NCAM2: variants seen among roughly 807,000 people sequenced by gnomAD.
NCAM2 encodes neural cell adhesion molecule 2, also known as N-CAM-2.
In NCAM2, 30 loss-of-function variants were observed where a neutral mutation model predicts 98.1. The ratio of observed to expected loss-of-function variants is 0.31; its 90% CI spans 0.23 to 0.41. The LOEUF is 0.41. NCAM2 is among the 10% of genes least tolerant of loss of function. NCAM2 has a pLI of 1.00. For synonymous variants in NCAM2, 368 were observed against 342.4 expected, an observed-to-expected ratio of 1.07 and a Z score of -0.83; for missense variants, 867 against 1,005.8, an observed-to-expected ratio of 0.86 and a Z score of 1.87.
chr21:21,335,762 T>G, intron 7 of NCAM2, 97 bp downstream of exon 7: 1 of 1,004,184 alleles, frequency 1.0e-6, no homozygotes, highest in Non-Finnish European at 1.3e-6. Context: ...ACTTTCCATA[T>G]TAAATCTGTT....
chr21:21,027,942 C>T (rs560385759), intron 1 of NCAM2, among the ~76,000 whole-genome samples: 3 of 151,842 alleles, frequency 2.0e-5, no homozygotes, highest in South Asian at 2.1e-4. Flanking sequence ...CTGCAACCTC[C>T]GCCTCCTGGG....
At chr21:21,530,155 A>T (rs1427781021) in intron 16 of NCAM2, among the ~76,000 whole-genome samples, 1 of 141,720 alleles carries the variant, frequency 7.1e-6, no homozygotes, top group Non-Finnish European at 1.5e-5. Flanking sequence ...TTAATTATAT[A>T]TGATTTAATT....
At chr21:21,352,466 A>G (rs1020164108) in intron 8 of NCAM2, among the ~76,000 whole-genome samples, 3 of 152,018 alleles carry the variant, frequency 2.0e-5, no homozygotes, top group African/African-American at 7.2e-5. Context: ...TTCTTGATCA[A>G]TAAATGTTAG....
At chr21:21,494,941 CTTTT>C (rs1244275940) in intron 15 of NCAM2, among the ~76,000 whole-genome samples, 1 of 150,846 alleles carries the variant, frequency 6.6e-6, no homozygotes, top group Admixed American at 6.6e-5. Context: ...CAGTTTCTTT[CTTTT>C]TCTTATGTTA....
At chr21:21,277,452 G>T (rs78241613) in intron 1 of NCAM2, among the ~76,000 whole-genome samples, 2,148 of 152,188 alleles carry the variant, frequency 0.014, 48 homozygotes, top group African/African-American at 0.049. Context: ...TAAAGTTCAT[G>T]ATATTTTATG....
chr21:21,367,009 T>C (rs2075802361), intron 8 of NCAM2, among the ~76,000 whole-genome samples: 2 of 152,184 alleles, frequency 1.3e-5, no homozygotes, highest in South Asian at 4.1e-4. Flanking sequence ...TGTGGTTTAA[T>C]AACATGGTAT....
At chr21:21,405,998 A>G (rs1354538815) in intron 9 of NCAM2, among the ~76,000 whole-genome samples, 1 of 152,164 alleles carries the variant, frequency 6.6e-6, no homozygotes, top group Non-Finnish European at 1.5e-5. Context: ...TTACTGATGC[A>G]TCTGCTTCAC....
intron 6 of NCAM2, among the ~76,000 whole-genome samples, chr21:21,329,455 C>A (rs552257670): frequency 6.6e-6 from 1 of 152,194 alleles, no homozygotes; most frequent in Non-Finnish European, 1.5e-5. Flanking sequence ...GTTAAGTACA[C>A]TCTATGATGT....
intron 15 of NCAM2, among the ~76,000 whole-genome samples, chr21:21,478,922 TA>T (rs1985499303): frequency 6.6e-6 from 1 of 152,202 alleles, no homozygotes; most frequent in Non-Finnish European, 1.5e-5. Flanking sequence ...CTGAATGTAC[TA>T]TCGAATTCAT....
intron 12 of NCAM2, among the ~76,000 whole-genome samples, chr21:21,442,823 T>A (rs1979497684): frequency 1.3e-5 from 2 of 152,202 alleles, no homozygotes; most frequent in Admixed American, 6.5e-5. Flanking sequence ...GTTATGGCAC[T>A]ACTAAAAATA....
At chr21:21,302,145 A>G (rs1018653174) in intron 5 of NCAM2, among the ~76,000 whole-genome samples, 1 of 150,768 alleles carries the variant, frequency 6.6e-6, no homozygotes, top group African/African-American at 2.5e-5. Flanking sequence ...TCATGCTGCT[A>G]TAAAGACACA....
chr21:21,444,173 G>C (rs1007123586), intron 12 of NCAM2, among the ~76,000 whole-genome samples: 5 of 152,228 alleles, frequency 3.3e-5, no homozygotes, highest in African/African-American at 4.8e-5. Context: ...TTGCGTCCCA[G>C]AGATGAAGCT....
At chr21:21,272,934 T>TCTCACACACACACACACA (rs201698643) in intron 1 of NCAM2, among the ~76,000 whole-genome samples, 10 of 124,788 alleles carry the variant, frequency 8.0e-5, no homozygotes, top group African/African-American at 3.1e-4. Context: ...GGACATGCAT[T>TCTCACACACACACACACA]CACACACACA....
chr21:21,099,065 G>A (rs947737857), intron 1 of NCAM2, among the ~76,000 whole-genome samples: 4 of 151,852 alleles, frequency 2.6e-5, no homozygotes, highest in African/African-American at 9.7e-5. Context: ...CTCTGTTAAT[G>A]AGCTAGTGTC....
chr21:21,273,117 A>T (rs1285079107), intron 1 of NCAM2, among the ~76,000 whole-genome samples: 3 of 152,176 alleles, frequency 2.0e-5, no homozygotes, highest in African/African-American at 4.8e-5. Context: ...GCTGGATTCA[A>T]ATCTGGTTTC....
intron 1 of NCAM2, among the ~76,000 whole-genome samples, chr21:21,279,969 G>A (rs1439926588): frequency 6.6e-6 from 1 of 152,148 alleles, no homozygotes; most frequent in East Asian, 1.9e-4. Context: ...AGATATTCAA[G>A]TATTTTATTT....
chr21:21,088,758 C>T lies in NCAM2; in HGVS notation c.55+90140C>T, dbSNP rs561048429. On this transcript the variant is annotated intron_variant, in intron 1 of 17. Coordinates refer to ENST00000400546, the MANE Select transcript of NCAM2 (RefSeq NM_004540.5). The stretch of plus-strand genomic sequence containing the variant: ...CTGTAATCCCAGCACTTTGGGAGGC[C>T]GAGGCAGGCGGATCACGAGGTCAGG... 1.2e-3 allele frequency among the ~76,000 whole-genome samples: 184 copies of T among 151,976 alleles called. 1 individual carries two copies. The highest frequency in any genetic ancestry group is 2.1e-3 in the Non-Finnish European group (142 of 67,960).
At chr21:21,491,377 A>C (rs2146308398) in intron 15 of NCAM2, among the ~76,000 whole-genome samples, 1 of 151,898 alleles carries the variant, frequency 6.6e-6, no homozygotes, top group East Asian at 1.9e-4. Context: ...AAATATAAAC[A>C]CGTAAAGTGA....
At chr21:21,369,771 A>G (rs1458940934) in intron 8 of NCAM2, among the ~76,000 whole-genome samples, 1 of 151,352 alleles carries the variant, frequency 6.6e-6, no homozygotes, top group Non-Finnish European at 1.5e-5. Flanking sequence ...AGTCTTGTTT[A>G]TTTCTCTAAC....
Sources: allele counts gnomAD v4.1 joint callset (sites outside exome capture counted in the v4.1 genomes callset), GRCh38; gene constraint gnomAD v4.1.1; transcripts MANE v1.5; gene names NCBI Gene and HGNC (gene_info 2026-07-23, HGNC 2026-07-21).